The following TCF15 variants were observed in gnomAD, a reference collection of about 807,000 sequenced individuals.
TCF15 encodes TCF-15.
In TCF15, 7 loss-of-function variants were observed where a neutral mutation model predicts 11.1. That is an observed-to-expected ratio of 0.63 (90% CI 0.36 to 1.19). The LOEUF is 1.19. Among genes scored for constraint, TCF15 ranks in the 50% most tolerant of loss-of-function variants. The pLI is 0.02. For missense variants in TCF15, 288 were observed against 289.4 expected, an observed-to-expected ratio of 1.00 and a Z score of 0.03; for synonymous variants, 144 against 138.9, an observed-to-expected ratio of 1.04 and a Z score of -0.26.
rs1330323706 is a variant in TCF15, at chr20:609,660, G to GC, written c.525+52dup. 2.1e-5 allele frequency: 28 copies of GC among 1,324,480 alleles called. No individual in the cohort carries two copies. The highest frequency in any genetic ancestry group is 8.3e-5 in the Admixed American group (2 of 24,048). 82.0% of individuals were successfully genotyped at this position (1,324,480 alleles called of 1,614,324 possible). On this transcript the variant is annotated intron_variant, in intron 1 of 1. Transcript: ENST00000246080. This position sits in a 1 kb window ranked among gnomAD's most constrained non-coding sequence, Gnocchi z 4.7. ...CCTCTCCGGTTCCCGCAGAGGCGCT[G>GC]CCCCCCGCCTACCCCGACCTGGCGG...
intron 1 of TCF15, among the ~76,000 whole-genome samples, chr20:608,612 G>A (rs974704119): frequency 2.0e-5 from 3 of 152,208 alleles, no homozygotes; most frequent in African/African-American, 7.2e-5. Context: ...ACAGAGGGTG[G>A]TCTCAGGCCA....
chr20:605,956 T>C (rs999580759), intron 1 of TCF15, among the ~76,000 whole-genome samples: 10 of 152,214 alleles, frequency 6.6e-5, no homozygotes, highest in African/African-American at 2.4e-4. Flanking sequence ...CCACTGTAAA[T>C]GCTCATCACC....
chr20:604,665 C>A lies in TCF15; in HGVS notation c.526G>T (p.Gly176Cys). The A allele has an allele frequency of 6.4e-7, 1 of 1,551,116 alleles. No individual in the cohort carries two copies. Among genetic ancestry groups the A allele is most frequent in the South Asian group, 1.2e-5 (1 of 83,948 alleles). The change falls in exon 2 of 2, where the codon GGT becomes TGT. Residue 176 changes from glycine (G) to cysteine (C), a missense_variant and splice_region_variant. Gly to Cys is a radical substitution (Grantham distance 159, BLOSUM62 -3). Coordinates refer to ENST00000246080, the MANE Select transcript of TCF15 (RefSeq NM_004609.4). This position sits in a 1 kb window ranked among gnomAD's most constrained non-coding sequence, Gnocchi z 4.2. ...CTGCCCCCCAGGTCACGACGGCCAC[C>A]CTGCAGAGGGGGAGAAAGAGTATAA... Reference protein sequence around the residue: ...TFCLSNQRKGGGRRDLGGSCL... With the variant: ...TFCLSNQRKGCGRRDLGGSCL...
chr20:608,016 T>G (rs749587417), intron 1 of TCF15, among the ~76,000 whole-genome samples: 1 of 152,156 alleles, frequency 6.6e-6, no homozygotes, highest in Non-Finnish European at 1.5e-5. Context: ...CCCTCTTCCT[T>G]CTCTAGGCCT....
At position 610,176 on chromosome 20, in the gene TCF15, A is replaced by C. The variant is rs2020012706; in HGVS notation, c.62T>G (p.Leu21Arg). ...AHVLYPDVRL[L>R]SEDEENRSES... ...GCTGCGGTTCTCCTCGTCCTCGCTCAGCAGCCGCACGTCCGGGTACAGCAC... is the reference window on the plus strand; with the variant it reads ...GCTGCGGTTCTCCTCGTCCTCGCTCCGCAGCCGCACGTCCGGGTACAGCAC... Residue 21 changes from leucine to arginine, a missense_variant, in exon 1 of 2, where the codon CTG becomes CGG. Coordinates refer to ENST00000246080, the MANE Select transcript of TCF15 (RefSeq NM_004609.4). The C allele has an allele frequency of 7.6e-6, 8 of 1,054,976 alleles. No homozygotes were observed. Among genetic ancestry groups the C allele is most frequent in the Non-Finnish European group, 9.2e-6 (8 of 869,622 alleles). The allele number at this position is 1,054,976 out of a possible 1,614,324, so 65.4% of individuals were successfully genotyped here. A position where few individuals can be genotyped will look rare whatever the true frequency, so the allele number is the denominator to read the frequency against.
chr20:608,927 C>A (rs371853569), intron 1 of TCF15, among the ~76,000 whole-genome samples: 1 of 152,234 alleles, frequency 6.6e-6, no homozygotes, highest in Non-Finnish European at 1.5e-5. Context: ...TGCTGCCACA[C>A]AGCCCCCGCC....
chr20:608,334 T>C (rs1284432097), intron 1 of TCF15, among the ~76,000 whole-genome samples: 1 of 152,140 alleles, frequency 6.6e-6, no homozygotes, highest in Admixed American at 6.5e-5. Flanking sequence ...AGGCAGCTGT[T>C]GGGTAGCTAA....
Position 610,074 on chromosome 20 carries a change from C to T in TCF15, c.164G>A (p.Gly55Asp), listed in dbSNP as rs2020011249. The change falls in exon 1 of 2, where the codon GGC (glycine) becomes GAC (aspartate). Residue 55 changes from glycine (G) to aspartate (D), a missense_variant. By Grantham distance (94) the Gly-to-Asp change is moderately conservative (BLOSUM62 -1). Transcript: ENST00000246080. ...EAARRGPGPG[G>D]GRRAGGGGGA... ...GCCGCCGCCGCCCGCCCGCCGCCCG[C>T]CCCCGGGGCCCGGGCCGCGCCGCGC... 1.0e-6 allele frequency: 1 copy of T among 989,098 alleles called. No individual in the cohort carries two copies. The highest frequency in any genetic ancestry group is 1.2e-6 in the Non-Finnish European group (1 of 833,952). The allele number at this position is 989,098 out of a possible 1,614,324, so 61.3% of individuals were successfully genotyped here.
At chr20:608,292 C>T (rs1450447587) in intron 1 of TCF15, among the ~76,000 whole-genome samples, 4 of 152,198 alleles carry the variant, frequency 2.6e-5, no homozygotes, top group Non-Finnish European at 5.9e-5. Flanking sequence ...GGACCTACAA[C>T]CTGCTTCTCT....
chr20:609,614 G>GCC lies in TCF15; in HGVS notation c.525+97_525+98dup. On this transcript the variant is annotated intron_variant, in intron 1 of 1. Transcript: ENST00000246080. This position sits in a 1 kb window ranked among gnomAD's most constrained non-coding sequence, Gnocchi z 4.7. ...ACGAATTCCACGTCGCTTCCCCCTGGCCTCGTTGGGGACCCCTGCACCTCT... is the reference window on the plus strand; with the variant it reads ...ACGAATTCCACGTCGCTTCCCCCTGGCCCCTCGTTGGGGACCCCTGCACCTCT... 2.4e-6 allele frequency: 3 copies of GCC among 1,268,480 alleles called. No homozygotes were observed. In the African/African-American group the frequency reaches 4.7e-5, roughly 20 times the overall value. The allele number at this position is 1,268,480 out of a possible 1,614,324, so 78.6% of individuals were successfully genotyped here. A position where few individuals can be genotyped will look rare whatever the true frequency, so the allele number is the denominator to read the frequency against.
chr20:607,555 A>G (rs753353903), intron 1 of TCF15, among the ~76,000 whole-genome samples: 7 of 152,204 alleles, frequency 4.6e-5, no homozygotes, highest in Non-Finnish European at 7.4e-5. Flanking sequence ...TTCCCAGAGG[A>G]GACCGTGGGG....
In TCF15 at chr20:604,781, G is replaced by A. The variant is rs536800736; in HGVS notation, c.526-116C>T. 2.0e-5 allele frequency: 16 copies of A among 817,164 alleles called. No homozygotes were observed. Among genetic ancestry groups the A allele is most frequent in the South Asian group, 1.1e-4 (6 of 54,278 alleles). 50.6% of individuals were successfully genotyped at this position (817,164 alleles called of 1,614,324 possible). A position where few individuals can be genotyped will look rare whatever the true frequency, so the allele number is the denominator to read the frequency against. ...TCAATAAATCACAGTTCAGCCACAC[G>A]ATCAAGTTCTCTGCAACAGAAAGCA... On this transcript the variant is annotated intron_variant, in intron 1 of 1. Transcript: ENST00000246080. The surrounding 1 kb of genome is among the most constrained non-coding windows in gnomAD (Gnocchi z 4.2).
chr20:610,277 T>A lies in TCF15; in HGVS notation c.-40A>T. The A allele has an allele frequency of 3.0e-6, 3 of 987,382 alleles. No homozygotes were observed. The highest frequency in any genetic ancestry group is 1.8e-5 in the African/African-American group (1 of 56,534). The allele number at this position is 987,382 out of a possible 1,614,324, so 61.2% of individuals were successfully genotyped here. A position where few individuals can be genotyped will look rare whatever the true frequency, so the allele number is the denominator to read the frequency against. On this transcript the variant is annotated 5_prime_UTR_variant, in exon 1 of 2. Transcript: ENST00000246080. ...TCCCTCCGTGCGCCGCGTCCCAGCG[T>A]CGGCCGCGCCCCGCCGTGCGCTCCC...
chr20:605,031 G>A (rs1468571072), intron 1 of TCF15, among the ~76,000 whole-genome samples: 1 of 152,022 alleles, frequency 6.6e-6, no homozygotes, highest in African/African-American at 2.4e-5. Flanking sequence ...TTGCTCTGTT[G>A]CCAGGCTGGA....
chr20:605,913 T>C (rs1242924074), intron 1 of TCF15, among the ~76,000 whole-genome samples: 1 of 152,214 alleles, frequency 6.6e-6, no homozygotes, highest in Non-Finnish European at 1.5e-5. Context: ...CAACAATCTG[T>C]CCTGTTTCCA....
chr20:606,750 G>A (rs1442817424), intron 1 of TCF15, among the ~76,000 whole-genome samples: 6 of 151,864 alleles, frequency 4.0e-5, no homozygotes, highest in South Asian at 2.1e-4. Flanking sequence ...CCCGGGAGGC[G>A]GAGGCTGCAG....
At chr20:606,242 A>G (rs1362180617) in intron 1 of TCF15, among the ~76,000 whole-genome samples, 4 of 152,158 alleles carry the variant, frequency 2.6e-5, no homozygotes, top group Non-Finnish European at 4.4e-5. Flanking sequence ...GTGGCTGAGA[A>G]GGGCAGATAG....
intron 1 of TCF15, among the ~76,000 whole-genome samples, chr20:605,692 T>C (rs559401351): frequency 6.6e-6 from 1 of 152,314 alleles, no homozygotes; most frequent in East Asian, 1.9e-4. Flanking sequence ...ATGGCGGCAG[T>C]CCCTGAAACC....
Position 606,732 on chromosome 20 carries a change from T to C in TCF15, c.526-2067A>G, listed in dbSNP as rs567410901. Among the ~76,000 whole-genome samples, 751 of 151,318 alleles carry C rather than the reference T, an allele frequency of 5.0e-3. 3 individuals are homozygous for C. Among genetic ancestry groups the C allele is most frequent in the Middle Eastern group, 0.02 (6 of 294 alleles). ...ACTTGGGAGGCTGGGGCAGGAGAAC[T>C]GCTTGAACCCGGGAGGCGGAGGCTG... On this transcript the variant is annotated intron_variant, in intron 1 of 1. Coordinates refer to ENST00000246080, the MANE Select transcript of TCF15 (RefSeq NM_004609.4).
Sources: gnomAD v4.1 joint callset for allele counts (sites outside exome capture counted in the v4.1 genomes callset) on GRCh38, gnomAD v4.1.1 for gene constraint, Gnocchi (gnomAD v3.1) non-coding constraint, MANE v1.5 for transcripts, NCBI Gene and HGNC (gene_info 2026-07-23, HGNC 2026-07-21) for gene names.